The following GRB10 variants were observed in gnomAD, a reference collection of about 807,000 sequenced individuals.
GRB10 encodes growth factor receptor bound protein 10.
A neutral mutation model predicts 80.9 loss-of-function variants in GRB10; 20 were observed. That is an observed-to-expected ratio of 0.25 (90% CI 0.17 to 0.36). GRB10 has a LOEUF of 0.36. GRB10 is among the 10% of genes least tolerant of loss of function. GRB10 has a pLI of 1.00. For missense variants in GRB10, 548 were observed against 747.7 expected (o/e 0.73, Z 3.12); for synonymous variants, 291 against 291.5 (o/e 1.00, Z 0.02).
chr7:50,657,245 G>C (rs2058737824), intron 7 of GRB10, among the ~76,000 whole-genome samples: 1 of 152,228 alleles, frequency 6.6e-6, no homozygotes, highest in Admixed American at 6.5e-5. Flanking sequence ...AGCTGACTTT[G>C]TTTTTAATAC....
rs781457247 is a variant in GRB10, at chr7:50,710,879, C to T, written c.52-6971G>A. The T allele has an allele frequency of 2.5e-6, 4 of 1,612,690 alleles. No individual in the cohort carries two copies. In the Admixed American group the frequency reaches 5.0e-5, roughly 20 times the overall value. On this transcript the variant is annotated intron_variant, in intron 4 of 18. Coordinates refer to ENST00000401949, the MANE Select transcript of GRB10 (RefSeq NM_001350814.2). ...CGGTAGACAGCGGGCACTGACCTTA[C>T]TACGGAACAGAGGGCCGGCAGCTTG... is the stretch of plus-strand genomic sequence containing the variant.
intron 5 of GRB10, among the ~76,000 whole-genome samples, chr7:50,693,121 G>T (rs942388740): frequency 6.6e-6 from 1 of 152,156 alleles, no homozygotes; most frequent in African/African-American, 2.4e-5. Context: ...CCCAGTCAAA[G>T]AGCATTGCTG....
Position 50,604,343 on chromosome 7 carries a change from T to G in GRB10, c.1424A>C (p.Gln475Pro), listed in dbSNP as rs749811301. 1 of 1,613,706 alleles carries G rather than the reference T, an allele frequency of 6.2e-7. No individual in the cohort carries two copies. Among genetic ancestry groups the G allele is most frequent in the Admixed American group, 1.7e-5 (1 of 60,030 alleles). ...TAGGGTAGAAGGGTGGAGGGGACTT[T>G]GGCTACCTAGGATGTTCATCCGTGT... is the stretch of plus-strand genomic sequence containing the variant. ...RSTRMNILGSQSPLHPSTLST... is the reference protein window; with the variant it reads ...RSTRMNILGSPSPLHPSTLST... Residue 475 changes from glutamine to proline, a missense_variant, in exon 16 of 19, where the codon CAA becomes CCA. This residue lies in a region of GRB10 where 270 missense variants were observed against 433.6 expected (regional missense o/e 0.62). Transcript: ENST00000401949.
At position 50,664,431 on chromosome 7, in the gene GRB10, G is replaced by C. The variant is rs115284366; in HGVS notation, c.504+5291C>G. Among the ~76,000 whole-genome samples the C allele has an allele frequency of 8.6e-3, 1,307 of 152,270 alleles. 26 individuals carry two copies. Among genetic ancestry groups the C allele is most frequent in the African/African-American group, 0.029 (1,225 of 41,566 alleles). On this transcript the variant is annotated intron_variant, in intron 7 of 18. Coordinates refer to ENST00000401949, the MANE Select transcript of GRB10 (RefSeq NM_001350814.2). The stretch of plus-strand genomic sequence containing the variant: ...AGGGAGACAGTCACCAGGCCGTGGC[G>C]GGGGGCCAGCCCACCTGCCAGGGTC...
Position 50,763,809 on chromosome 7 carries a change from C to T in GRB10, c.-216-7753G>A, listed in dbSNP as rs192031191. Among the ~76,000 whole-genome samples the T allele has an allele frequency of 5.8e-3, 889 of 152,312 alleles. 8 individuals carry two copies. The highest frequency in any genetic ancestry group is 7.5e-3 in the Admixed American group (115 of 15,300). ...CTCTGCTGCCAACTCCAGGCCTCTG[C>T]CCCTCATCTGAACTGGGACTCAGCT... On this transcript the variant is annotated intron_variant, in intron 2 of 18. Coordinates refer to ENST00000401949, the MANE Select transcript of GRB10 (RefSeq NM_001350814.2).
chr7:50,788,704 G>T (rs2078794330), intron 1 of GRB10, among the ~76,000 whole-genome samples: 2 of 152,232 alleles, frequency 1.3e-5, no homozygotes, highest in Admixed American at 6.5e-5. Context: ...AAGAACTTCA[G>T]GGAGAAGCAG....
At chr7:50,638,687 T>C (rs1026984719) in intron 7 of GRB10, among the ~76,000 whole-genome samples, 1 of 152,002 alleles carries the variant, frequency 6.6e-6, no homozygotes, top group African/African-American at 2.4e-5. Context: ...AGTATGGAGA[T>C]TTCCCAAAGA....
chr7:50,638,096 CCT>C (rs2153603502), intron 7 of GRB10, among the ~76,000 whole-genome samples: 1 of 152,252 alleles, frequency 6.6e-6, no homozygotes, highest in South Asian at 2.1e-4. Flanking sequence ...AAACTGGACC[CCT>C]GTCTCTCACC....
intron 2 of GRB10, among the ~76,000 whole-genome samples, chr7:50,770,463 T>C (rs770816303): frequency 1.3e-5 from 2 of 152,198 alleles, no homozygotes; most frequent in African/African-American, 4.8e-5. Flanking sequence ...GGTCTCTGCC[T>C]AAATCCCCAC....
chr7:50,615,116 G>A (rs1002953606), intron 11 of GRB10, among the ~76,000 whole-genome samples: 3 of 152,184 alleles, frequency 2.0e-5, no homozygotes, highest in African/African-American at 4.8e-5. Flanking sequence ...CTGTTGGAAC[G>A]TATTTGATAC....
At chr7:50,626,800 T>A (rs1192945166) in intron 8 of GRB10, 22 bp downstream of exon 8, 6 of 1,613,966 alleles carry the variant, frequency 3.7e-6, no homozygotes, top group Non-Finnish European at 5.1e-6. Context: ...CAGGTGCCAA[T>A]CCTGTTCTGA....
chr7:50,784,657 G>A (rs2078615076), upstream of GRB10, among the ~76,000 whole-genome samples: 1 of 152,236 alleles, frequency 6.6e-6, no homozygotes, highest in Non-Finnish European at 1.5e-5. Flanking sequence ...TGAAAAGCCA[G>A]ACCTTCACTG....
chr7:50,645,932 A>C (rs950236875), intron 7 of GRB10, among the ~76,000 whole-genome samples: 3 of 152,192 alleles, frequency 2.0e-5, no homozygotes, highest in African/African-American at 7.2e-5. Context: ...TTCCCATCGT[A>C]TTATAAGTGA....
intron 10 of GRB10, among the ~76,000 whole-genome samples, chr7:50,616,630 A>G (rs868337889): frequency 2.0e-5 from 3 of 152,340 alleles, no homozygotes; most frequent in Non-Finnish European, 2.9e-5. Context: ...ATCCAGTCTG[A>G]TATCAGACTG....
At chr7:50,680,468 TG>T (rs547383751) in intron 5 of GRB10, among the ~76,000 whole-genome samples, 61 of 152,338 alleles carry the variant, frequency 4.0e-4, no homozygotes, top group Middle Eastern at 3.4e-3. Context: ...ATACGTTTTT[TG>T]GTTTTTCATT....
At chr7:50,606,305 A>T (rs780194993) in intron 14 of GRB10, 32 bp downstream of exon 14, 197 of 1,560,220 alleles carry the variant, frequency 1.3e-4, no homozygotes, top group Admixed American at 1.8e-4. Context: ...CTGAAAAGGC[A>T]CTAGACTTCT....
chr7:50,786,879 C>G (rs911719354), upstream of GRB10, among the ~76,000 whole-genome samples: 2 of 152,230 alleles, frequency 1.3e-5, no homozygotes, highest in Admixed American at 1.3e-4. Context: ...CAGAGCAACC[C>G]AGCCTGCTGA....
At chr7:50,679,522 A>C (rs1586789606) in intron 5 of GRB10, among the ~76,000 whole-genome samples, 1 of 152,194 alleles carries the variant, frequency 6.6e-6, no homozygotes, top group East Asian at 1.9e-4. Flanking sequence ...ATTTGGCAAC[A>C]TAAGGACATG....
chr7:50,762,878 G>A (rs948382243), intron 2 of GRB10, among the ~76,000 whole-genome samples: 3 of 152,234 alleles, frequency 2.0e-5, no homozygotes, highest in African/African-American at 7.2e-5. Flanking sequence ...TGTACTTTGG[G>A]AGGCTGAGGC....
Sources: allele counts gnomAD v4.1 joint callset (sites outside exome capture counted in the v4.1 genomes callset), GRCh38; gene constraint gnomAD v4.1.1; regional missense constraint gnomAD v4.1.1; transcripts MANE v1.5; gene names NCBI Gene and HGNC (gene_info 2026-07-23, HGNC 2026-07-21).